The following SLCO3A1 variants were observed in gnomAD, a reference collection of about 807,000 sequenced individuals.
SLCO3A1 encodes the protein PGE1 transporter.
SLCO3A1 carries 27 observed loss-of-function variants against 63.1 expected under a neutral mutation model. That is an observed-to-expected ratio of 0.43 (90% CI 0.32 to 0.59). The LOEUF is 0.59. Among genes scored for constraint, SLCO3A1 ranks in the 20% least tolerant of loss-of-function variants. The pLI is 0.09. For synonymous variants in SLCO3A1, 473 were observed against 409.9 expected, an observed-to-expected ratio of 1.15 and a Z score of -1.86; for missense variants, 773 against 945.8, an observed-to-expected ratio of 0.82 and a Z score of 2.40.
intron 2 of SLCO3A1, among the ~76,000 whole-genome samples, chr15:92,017,879 G>A (rs1028638108): frequency 2.6e-5 from 4 of 152,076 alleles, no homozygotes; most frequent in African/African-American, 9.7e-5. Context: ...TGAGATAGGG[G>A]CCCATCACAC....
intron 1 of SLCO3A1, among the ~76,000 whole-genome samples, chr15:91,871,807 A>G (rs192382810): frequency 3.9e-5 from 1 of 25,914 alleles, no homozygotes; most frequent in Admixed American, 4.3e-4. Flanking sequence ...GTTTTATTTC[A>G]GGTTTAATTT....
intron 4 of SLCO3A1, among the ~76,000 whole-genome samples, chr15:92,113,945 T>G (rs1482060411): frequency 6.6e-6 from 1 of 152,214 alleles, no homozygotes; most frequent in East Asian, 1.9e-4. Context: ...CCCGGGAATT[T>G]TGATTCTGTG....
chr15:91,924,343 G>A (rs1480715295), intron 2 of SLCO3A1, among the ~76,000 whole-genome samples: 1 of 152,152 alleles, frequency 6.6e-6, no homozygotes, highest in African/African-American at 2.4e-5. Flanking sequence ...AGAGGATTGA[G>A]TTGCCAACTC....
chr15:92,016,417 A>T (rs565007889), intron 2 of SLCO3A1, among the ~76,000 whole-genome samples: 4 of 152,230 alleles, frequency 2.6e-5, no homozygotes, highest in South Asian at 2.1e-4. Context: ...CCCCCAACTC[A>T]GCTGGGATTA....
intron 2 of SLCO3A1, among the ~76,000 whole-genome samples, chr15:92,041,514 C>T (rs2046796025): frequency 6.6e-6 from 1 of 152,118 alleles, no homozygotes; most frequent in South Asian, 2.1e-4. Context: ...ACAGGGAAAG[C>T]AATGGTAGAC....
chr15:91,990,711 A>G (rs896929235), intron 2 of SLCO3A1, among the ~76,000 whole-genome samples: 1 of 151,194 alleles, frequency 6.6e-6, no homozygotes, highest in Non-Finnish European at 1.5e-5. Flanking sequence ...CTTTCCAGAT[A>G]TTTTCTCTAA....
chr15:91,909,087 CAAAG>C (rs1455044460), intron 1 of SLCO3A1, among the ~76,000 whole-genome samples: 2 of 152,138 alleles, frequency 1.3e-5, no homozygotes, highest in South Asian at 2.1e-4. Context: ...AACAAACAAA[CAAAG>C]AAACCCAAAA....
intron 2 of SLCO3A1, among the ~76,000 whole-genome samples, chr15:92,092,665 C>G (rs72757443): frequency 6.6e-6 from 1 of 152,132 alleles, no homozygotes; most frequent in Non-Finnish European, 1.5e-5. Flanking sequence ...CTACTTCCTG[C>G]TGCTTTCTCA....
chr15:91,930,535 T>C (rs1899189487), intron 2 of SLCO3A1, among the ~76,000 whole-genome samples: 1 of 152,230 alleles, frequency 6.6e-6, no homozygotes, highest in African/African-American at 2.4e-5. Flanking sequence ...TATTGTATTT[T>C]TGAGACACTT....
intron 2 of SLCO3A1, among the ~76,000 whole-genome samples, chr15:91,927,262 G>A (rs960065154): frequency 6.6e-6 from 1 of 151,898 alleles, no homozygotes; most frequent in African/African-American, 2.4e-5. Context: ...TTTCTGTGCT[G>A]GTTTGAACTG....
At chr15:92,034,085 C>A (rs1429939052) in intron 2 of SLCO3A1, among the ~76,000 whole-genome samples, 1 of 151,708 alleles carries the variant, frequency 6.6e-6, no homozygotes, top group East Asian at 1.9e-4. Flanking sequence ...AGAGAAGCGA[C>A]ATGGTCTGAC....
chr15:92,146,697 T>C (rs1176823857), intron 7 of SLCO3A1, among the ~76,000 whole-genome samples: 1 of 152,202 alleles, frequency 6.6e-6, no homozygotes, highest in Admixed American at 6.5e-5. Context: ...TCTAATTGTA[T>C]TGGGGGGGAC....
intron 1 of SLCO3A1, among the ~76,000 whole-genome samples, chr15:91,887,408 C>T (rs941866587): frequency 6.6e-6 from 1 of 152,138 alleles, no homozygotes; most frequent in Non-Finnish European, 1.5e-5. Flanking sequence ...TGCCTGCCTG[C>T]CTGCATGAGA....
Position 91,856,769 on chromosome 15 carries a change from G to C in SLCO3A1, c.180+2681G>C, listed in dbSNP as rs1344328839. Among the ~76,000 whole-genome samples, 1 of 152,184 alleles carries C rather than the reference G, an allele frequency of 6.6e-6. No individual in the cohort carries two copies. Among genetic ancestry groups the C allele is most frequent in the East Asian group, 1.9e-4 (1 of 5,192 alleles). ...GAGGAAGGACTTGCCTTGGGACAGTGCCAGTAATGCTCCCTTTCACAGAGA... is the reference window on the plus strand; with the variant it reads ...GAGGAAGGACTTGCCTTGGGACAGTCCCAGTAATGCTCCCTTTCACAGAGA... On this transcript the variant is annotated intron_variant, in intron 1 of 9. Transcript: ENST00000318445. The surrounding 1 kb of genome is among the most constrained non-coding windows in gnomAD (Gnocchi z 4.9).
At chr15:91,957,846 A>G (rs1188037275) in intron 2 of SLCO3A1, among the ~76,000 whole-genome samples, 1 of 152,186 alleles carries the variant, frequency 6.6e-6, no homozygotes, top group Non-Finnish European at 1.5e-5. Flanking sequence ...TAAGCATCAT[A>G]AAGACGAGGA....
intron 2 of SLCO3A1, among the ~76,000 whole-genome samples, chr15:92,003,325 G>A (rs2046277102): frequency 1.3e-5 from 2 of 152,224 alleles, no homozygotes; most frequent in Admixed American, 6.5e-5. Context: ...ACTTACACAT[G>A]TCCTGTCTCA....
intron 1 of SLCO3A1, chr15:91,889,099 A>G (rs1897804346): frequency 8.4e-7 from 1 of 1,192,480 alleles, no homozygotes; most frequent in Non-Finnish European, 1.1e-6. Flanking sequence ...TTGTTATTAC[A>G]GAATAAATAT....
chr15:92,073,553 G>A (rs531325754), intron 2 of SLCO3A1, among the ~76,000 whole-genome samples: 1 of 152,210 alleles, frequency 6.6e-6, no homozygotes, highest in East Asian at 1.9e-4. Flanking sequence ...ATATTAAACA[G>A]ATCCCAGTGA....
intron 3 of SLCO3A1, among the ~76,000 whole-genome samples, chr15:92,101,984 T>A (rs932440514): frequency 6.6e-6 from 1 of 152,170 alleles, no homozygotes; most frequent in Non-Finnish European, 1.5e-5. Flanking sequence ...TGGGTTGTTT[T>A]CTCACACTTA....
Sources: allele counts gnomAD v4.1 joint callset (sites outside exome capture counted in the v4.1 genomes callset), GRCh38; gene constraint gnomAD v4.1.1; non-coding constraint Gnocchi (gnomAD v3.1); transcripts MANE v1.5; gene names NCBI Gene and HGNC (gene_info 2026-07-23, HGNC 2026-07-21).